The following TSPAN4 variants were observed in gnomAD, a reference collection of about 807,000 sequenced individuals.
TSPAN4 encodes the protein tetraspanin-4.
TSPAN4 carries 38 observed loss-of-function variants against 31.5 expected under a neutral mutation model. The ratio of observed to expected loss-of-function variants is 1.21; its 90% CI spans 0.93 to 1.58. The LOEUF (loss-of-function observed/expected upper bound fraction) is 1.58. Ranked by LOEUF, TSPAN4 falls within the 40% of genes most tolerant of loss-of-function variation. The pLI is 0.00. For missense variants in TSPAN4, 330 were observed against 317.3 expected, an observed-to-expected ratio of 1.04 and a Z score of -0.30; for synonymous variants, 186 against 144.6, an observed-to-expected ratio of 1.29 and a Z score of -2.06.
chr11:855,602 C>T (rs1243816477), intron 3 of TSPAN4, among the ~76,000 whole-genome samples: 1 of 152,194 alleles, frequency 6.6e-6, no homozygotes, highest in African/African-American at 2.4e-5. Flanking sequence ...TCTCTGGGCC[C>T]TGGGGTCCCT....
chr11:845,167 C>T (rs1190685315), intron 1 of TSPAN4, among the ~76,000 whole-genome samples: 1 of 152,210 alleles, frequency 6.6e-6, no homozygotes, highest in Non-Finnish European at 1.5e-5. Flanking sequence ...CTCGCCCCCA[C>T]ACCTGTGCTC....
chr11:859,065 AC>A (rs1345442240), intron 3 of TSPAN4, among the ~76,000 whole-genome samples: 1 of 59,784 alleles, frequency 1.7e-5, no homozygotes, highest in Non-Finnish European at 3.2e-5. Context: ...AACAGCTTGC[AC>A]CCCCGGCACA....
intron 3 of TSPAN4, among the ~76,000 whole-genome samples, chr11:852,468 G>A (rs560555449): frequency 2.8e-4 from 42 of 152,326 alleles, no homozygotes; most frequent in African/African-American, 9.1e-4. Flanking sequence ...GAGCCCCGCT[G>A]GCTTCATACA....
intron 3 of TSPAN4, among the ~76,000 whole-genome samples, chr11:854,601 C>T (rs1384081803): frequency 3.3e-5 from 5 of 152,206 alleles, no homozygotes; most frequent in African/African-American, 9.7e-5. Context: ...CCTGGCTCTG[C>T]GCTGCCTGGG....
chr11:853,497 C>A (rs371739035), intron 3 of TSPAN4, among the ~76,000 whole-genome samples: 1 of 151,164 alleles, frequency 6.6e-6, no homozygotes, highest in Admixed American at 6.6e-5. Context: ...TTCTTTACAG[C>A]GTTGGTTCGG....
chr11:848,969 T>C lies in TSPAN4; in HGVS notation c.-17-1319T>C. ...ACCTGTCAAGGGGTGGGGTGGGGTC[T>C]TTTACAGGCTGACTTCCAGCCTGGG... On this transcript the variant is annotated intron_variant, in intron 2 of 8. Transcript: ENST00000397397. This position sits in a 1 kb window ranked among gnomAD's most constrained non-coding sequence, Gnocchi z 5.7. 3.0e-6 allele frequency: 2 copies of C among 663,738 alleles called. No individual in the cohort carries two copies. The highest frequency in any genetic ancestry group is 2.8e-5 in the East Asian group (1 of 35,334). The allele number at this position is 663,738 out of a possible 1,614,324, so 41.1% of individuals were successfully genotyped here.
chr11:866,907 T>G lies in TSPAN4; in HGVS notation c.*277T>G. The G allele has an allele frequency of 9.7e-5, 39 of 401,160 alleles. No homozygotes were observed. The highest frequency in any genetic ancestry group is 1.8e-4 in the East Asian group (4 of 21,970). The allele number at this position is 401,160 out of a possible 1,614,324, so 24.9% of individuals were successfully genotyped here. The stretch of plus-strand genomic sequence containing the variant: ...CTCCAGCACTTTTTATATTTACGTA[T>G]TCTCCAAAGCAGTGTTCACACGGGA... On this transcript the variant is annotated 3_prime_UTR_variant, in exon 9 of 9. Coordinates refer to ENST00000397397, the MANE Select transcript of TSPAN4 (RefSeq NM_003271.5).
At chr11:850,200 C>T (rs1847587065) in intron 2 of TSPAN4, 88 bp from the exon 3 acceptor site, 1 of 1,131,660 alleles carries the variant, frequency 8.8e-7, no homozygotes, top group Non-Finnish European at 1.3e-6. Flanking sequence ...GAACCCCGGC[C>T]CCAAGGCGGC....
chr11:843,939 T>G (rs1320726165), intron 1 of TSPAN4: 2 of 152,334 alleles, frequency 1.3e-5, no homozygotes, highest in African/African-American at 4.8e-5. Flanking sequence ...CCAGATCCAC[T>G]GCACGCTTGG....
rs1848723301 is a variant in TSPAN4 at position 865,512 on chromosome 11, G to C, written c.331-1G>C. The C allele has an allele frequency of 3.1e-6, 5 of 1,610,462 alleles. No individual in the cohort carries two copies. The highest frequency in any genetic ancestry group is 4.2e-6 in the Non-Finnish European group (5 of 1,179,344). ...CCTGCTGACCCCCCCCGCACCCCCA[G>C]ATTGACAGGTATGCCCAGCAAGACC... On this transcript the variant is annotated splice_acceptor_variant, in intron 5 of 8. Transcript: ENST00000397397. LOFTEE classifies it high-confidence loss of function.
At chr11:866,059 C>T in intron 8 of TSPAN4, 58 bp downstream of exon 8, 1 of 1,575,434 alleles carries the variant, frequency 6.3e-7, no homozygotes, top group Non-Finnish European at 8.7e-7. Flanking sequence ...CTTCTGAGCC[C>T]AGGGAACAAA....
rs529828169 is a variant in TSPAN4 at position 864,675 on chromosome 11, C to T, written c.330+164C>T. 177 of 822,316 alleles carry T rather than the reference C, an allele frequency of 2.2e-4. 4 individuals are homozygous for T. In the East Asian group the frequency reaches 4.4e-3, roughly 20 times the overall value. The allele number at this position is 822,316 out of a possible 1,614,324, so 50.9% of individuals were successfully genotyped here. Reference sequence around the variant, plus strand: ...ACCAGGCCTGGAGGGGCAGCGCCAGCGACCCTGGGAGGCTGTGCTGTGGCT... The same window carrying T: ...ACCAGGCCTGGAGGGGCAGCGCCAGTGACCCTGGGAGGCTGTGCTGTGGCT... On this transcript the variant is annotated intron_variant, in intron 5 of 8. Transcript: ENST00000397397.
At chr11:845,078 G>A (rs1303286131) in intron 1 of TSPAN4, among the ~76,000 whole-genome samples, 6 of 152,180 alleles carry the variant, frequency 3.9e-5, no homozygotes, top group Non-Finnish European at 5.9e-5. Context: ...CTGCCCGCCC[G>A]GAGGGCTGCA....
rs200349712 is a variant in TSPAN4, at chr11:864,518, C to G, written c.330+7C>G. Reference sequence around the variant, plus strand: ...CTTCGCCTACACGGACAAGGTACGGCTGCCTTGGCCGCAGGCCCAACTGCA... The same window carrying G: ...CTTCGCCTACACGGACAAGGTACGGGTGCCTTGGCCGCAGGCCCAACTGCA... On this transcript the variant is annotated splice_region_variant and intron_variant, in intron 5 of 8. Coordinates refer to ENST00000397397, the MANE Select transcript of TSPAN4 (RefSeq NM_003271.5). 54 of 1,611,606 alleles carry G rather than the reference C, an allele frequency of 3.4e-5. No individual in the cohort carries two copies. The East Asian group carries it at 5.3e-4, about 16-fold the overall frequency.
chr11:851,387 C>T (rs1462108843), intron 3 of TSPAN4, among the ~76,000 whole-genome samples: 1 of 152,198 alleles, frequency 6.6e-6, no homozygotes, highest in Non-Finnish European at 1.5e-5. Context: ...TGCCTAGGCT[C>T]TGGGCTTCAG....
chr11:863,446 A>T (rs1848588513), intron 4 of TSPAN4: 1 of 152,268 alleles, frequency 6.6e-6, no homozygotes, highest in Non-Finnish European at 1.5e-5. Context: ...AGGTCGCCTC[A>T]GCCAGTCCAC....
rs948811662 is a variant in TSPAN4 at position 866,472 on chromosome 11, C to T, written c.649-90C>T. ...GCCCACCCTGGGGTCGGGGTCAGGG[C>T]CAGGGCACCTGCTGAGGACAGGGAC... On this transcript the variant is annotated intron_variant, in intron 8 of 8. Transcript: ENST00000397397. 3.4e-5 allele frequency: 44 copies of T among 1,279,110 alleles called. No homozygotes were observed. The Admixed American group carries it at 7.2e-4, about 21-fold the overall frequency. The allele number at this position is 1,279,110 out of a possible 1,614,324, so 79.2% of individuals were successfully genotyped here. A position where few individuals can be genotyped will look rare whatever the true frequency, so the allele number is the denominator to read the frequency against.
chr11:853,192 C>G (rs1244089885), intron 3 of TSPAN4, among the ~76,000 whole-genome samples: 1 of 152,112 alleles, frequency 6.6e-6, no homozygotes, highest in Non-Finnish European at 1.5e-5. Context: ...CCTCTGCCCC[C>G]AGCTTGCCTG....
At chr11:845,163 C>T (rs907862418) in intron 1 of TSPAN4, among the ~76,000 whole-genome samples, 3 of 152,206 alleles carry the variant, frequency 2.0e-5, no homozygotes, top group Non-Finnish European at 4.4e-5. Context: ...CAGCCTCGCC[C>T]CCACACCTGT....
Sources: allele counts gnomAD v4.1 joint callset (sites outside exome capture counted in the v4.1 genomes callset), GRCh38; gene constraint gnomAD v4.1.1; non-coding constraint Gnocchi (gnomAD v3.1); transcripts MANE v1.5; gene names NCBI Gene and HGNC (gene_info 2026-07-23, HGNC 2026-07-21).